Variants in RSRC1 observed in about 807,000 individuals in gnomAD.
RSRC1 encodes the protein serine/Arginine-related protein 53.
In RSRC1, 39 loss-of-function variants were observed where a neutral mutation model predicts 49.1. The ratio of observed to expected loss-of-function variants is 0.79; its 90% CI spans 0.61 to 1.04. The LOEUF (loss-of-function observed/expected upper bound fraction) is 1.04. Ranked by LOEUF, RSRC1 falls within the 50% of genes least tolerant of loss-of-function variation. The pLI is 0.00. For synonymous variants in RSRC1, 143 were observed against 130.8 expected, an observed-to-expected ratio of 1.09 and a Z score of -0.63; for missense variants, 388 against 402.4, an observed-to-expected ratio of 0.96 and a Z score of 0.31.
At chr3:158,180,411 T>G (rs1330114586) in intron 3 of RSRC1, among the ~76,000 whole-genome samples, 16 of 82,240 alleles carry the variant, frequency 1.9e-4, no homozygotes, top group African/African-American at 7.5e-4. Flanking sequence ...TTTTTTTTTT[T>G]TTTTTGCCGT....
At chr3:158,139,363 G>A (rs962688892) in intron 3 of RSRC1, among the ~76,000 whole-genome samples, 4 of 151,886 alleles carry the variant, frequency 2.6e-5, no homozygotes, top group Non-Finnish European at 4.4e-5. Context: ...CTGAGATCGC[G>A]CCACTGCACT....
intron 3 of RSRC1, among the ~76,000 whole-genome samples, chr3:158,124,235 G>A (rs1222888285): frequency 1.3e-5 from 2 of 152,142 alleles, no homozygotes; most frequent in Non-Finnish European, 1.5e-5. Context: ...CGGGGTGTAC[G>A]TGGCTTCTCA....
At chr3:158,242,378 G>A (rs1723645423) in intron 4 of RSRC1, among the ~76,000 whole-genome samples, 1 of 152,046 alleles carries the variant, frequency 6.6e-6, no homozygotes, top group Admixed American at 6.6e-5. Context: ...CAAAGGACAT[G>A]ATCTTGTTCC....
At chr3:158,343,983 A>G (rs1194064242) in intron 5 of RSRC1, among the ~76,000 whole-genome samples, 2 of 152,192 alleles carry the variant, frequency 1.3e-5, no homozygotes, top group Non-Finnish European at 2.9e-5. Context: ...ACACACAAAA[A>G]AAGATGAATG....
intron 7 of RSRC1, among the ~76,000 whole-genome samples, chr3:158,498,258 T>C (rs1739440248): frequency 2.0e-5 from 3 of 152,030 alleles, no homozygotes; most frequent in African/African-American, 7.2e-5. Context: ...ATGGCCGTTC[T>C]TGCAGGAGTA....
At chr3:158,422,121 A>T (rs987039125) in intron 6 of RSRC1, among the ~76,000 whole-genome samples, 1 of 151,048 alleles carries the variant, frequency 6.6e-6, no homozygotes, top group Non-Finnish European at 1.5e-5. Context: ...CATGTGCACA[A>T]TGTGCAGGTT....
intron 5 of RSRC1, among the ~76,000 whole-genome samples, chr3:158,307,018 ATTT>A (rs1231698389): frequency 6.6e-6 from 1 of 151,580 alleles, no homozygotes; most frequent in Admixed American, 6.6e-5. Context: ...GACTTCACTT[ATTT>A]TTAAAATCTT....
intron 6 of RSRC1, among the ~76,000 whole-genome samples, chr3:158,377,717 T>A (rs1413910351): frequency 2.0e-5 from 3 of 151,812 alleles, no homozygotes; most frequent in Admixed American, 2.0e-4. Flanking sequence ...TGGAGTGCAG[T>A]GGTGCTATCT....
chr3:158,118,531 T>C (rs550394118), intron 1 of RSRC1, among the ~76,000 whole-genome samples: 4 of 151,960 alleles, frequency 2.6e-5, no homozygotes, highest in South Asian at 2.1e-4. Flanking sequence ...ATTCTCCAAA[T>C]GTTCCTCCTA....
intron 5 of RSRC1, among the ~76,000 whole-genome samples, chr3:158,351,625 A>G (rs531079196): frequency 2.6e-5 from 4 of 152,062 alleles, no homozygotes; most frequent in African/African-American, 4.8e-5. Flanking sequence ...TCAAAACTCT[A>G]TATGCATTTA....
rs1404998895 is a variant in RSRC1 at position 158,238,429 on chromosome 3, A to G, written c.494+35184A>G. Among the ~76,000 whole-genome samples, 22 of 152,184 alleles carry G rather than the reference A, an allele frequency of 1.4e-4. 1 individual carries two copies. Among genetic ancestry groups the G allele is most frequent in the Non-Finnish European group, 3.2e-4 (22 of 68,028 alleles). ...TCCAAGTCAATCCTAAGCCAAAAGA[A>G]CAAAGCTGGAGGCATCATGCTACCT... On this transcript the variant is annotated intron_variant, in intron 4 of 9. Transcript: ENST00000611884.
rs559966833 is a variant in RSRC1, at chr3:158,163,880, A to G, written c.321-39192A>G. Among the ~76,000 whole-genome samples the G allele has an allele frequency of 2.6e-4, 40 of 152,182 alleles. No individual in the cohort carries two copies. In the Middle Eastern group the frequency reaches 0.01, roughly 39 times the overall value. On this transcript the variant is annotated intron_variant, in intron 3 of 9. Transcript: ENST00000611884. ...GTATTCCCAGCACCGTGAAAAGTAA[A>G]TAGAACGTAGAAGAATAAATGAATG...
At chr3:158,285,401 T>G (rs1726463605) in intron 4 of RSRC1, among the ~76,000 whole-genome samples, 1 of 152,208 alleles carries the variant, frequency 6.6e-6, no homozygotes, top group Non-Finnish European at 1.5e-5. Context: ...CCATATGAAC[T>G]TTAAAGTAGT....
chr3:158,519,937 T>C (rs1272624065), intron 7 of RSRC1, among the ~76,000 whole-genome samples: 1 of 152,024 alleles, frequency 6.6e-6, no homozygotes, highest in Admixed American at 6.6e-5. Flanking sequence ...TGAGGAATTG[T>C]GACCAGTGAG....
intron 7 of RSRC1, among the ~76,000 whole-genome samples, chr3:158,508,432 C>G (rs1018145873): frequency 1.4e-5 from 2 of 138,220 alleles, no homozygotes; most frequent in Admixed American, 1.5e-4. Flanking sequence ...TCTTTCTTAA[C>G]TATCCACAAT....
intron 7 of RSRC1, among the ~76,000 whole-genome samples, chr3:158,470,357 C>CATATATATATAT (rs1397429366): frequency 2.3e-5 from 3 of 128,750 alleles, no homozygotes; most frequent in African/African-American, 9.7e-5. Flanking sequence ...CACACACACA[C>CATATATATATAT]ACACATATAT....
At chr3:158,180,738 G>A (rs1005741564) in intron 3 of RSRC1, among the ~76,000 whole-genome samples, 4 of 150,934 alleles carry the variant, frequency 2.7e-5, no homozygotes, top group Non-Finnish European at 4.4e-5. Flanking sequence ...AAAGTGCTGG[G>A]ATTACAGGTG....
intron 5 of RSRC1, among the ~76,000 whole-genome samples, chr3:158,330,259 G>A (rs1729469913): frequency 6.6e-6 from 1 of 152,138 alleles, no homozygotes; most frequent in South Asian, 2.1e-4. Flanking sequence ...ACTGTCTGAC[G>A]AGCCCCAGTG....
Position 158,470,359 on chromosome 3 carries a change from CACAT to C in RSRC1, c.652+9358_652+9361del, listed in dbSNP as rs1408240221. Among the ~76,000 whole-genome samples the C allele has an allele frequency of 2.6e-3, 244 of 93,282 alleles. 1 individual carries two copies. The highest frequency in any genetic ancestry group is 6.6e-3 in the African/African-American group (174 of 26,364). 61.2% of individuals were successfully genotyped at this position (93,282 alleles called of 152,430 possible). A position where few individuals can be genotyped will look rare whatever the true frequency, so the allele number is the denominator to read the frequency against. On this transcript the variant is annotated intron_variant, in intron 7 of 9. Coordinates refer to ENST00000611884, the MANE Select transcript of RSRC1 (RefSeq NM_001271838.2). ...ACACACACACACACACACACACACA[CACAT>C]ATATATATATATATATAAAACCATC... is the stretch of plus-strand genomic sequence containing the variant.
Sources: allele counts gnomAD v4.1 joint callset (sites outside exome capture counted in the v4.1 genomes callset), GRCh38; gene constraint gnomAD v4.1.1; transcripts MANE v1.5; gene names NCBI Gene and HGNC (gene_info 2026-07-23, HGNC 2026-07-21).